Variants in KCNAB1 observed in about 807,000 individuals in gnomAD.
KCNAB1 encodes the protein potassium voltage-gated channel subfamily A regulatory beta subunit 1, also known as voltage-gated potassium channel subunit beta-1.
KCNAB1 carries 35 observed loss-of-function variants against 64.6 expected under a neutral mutation model. The observed-to-expected ratio is 0.54, with a 90% CI of 0.41 to 0.72. The LOEUF (loss-of-function observed/expected upper bound fraction) is 0.72, where lower values mean the gene tolerates loss of function less well. KCNAB1 is among the 30% of genes least tolerant of loss of function. The pLI, the probability that KCNAB1 is intolerant of heterozygous loss-of-function variation, is 0.00. For synonymous variants in KCNAB1, 177 were observed against 183.8 expected (o/e 0.96, Z 0.30); for missense variants, 401 against 512.9 (o/e 0.78, Z 2.11).
intron 1 of KCNAB1, among the ~76,000 whole-genome samples, chr3:156,195,836 G>T (rs1346957261): frequency 1.3e-5 from 2 of 152,074 alleles, no homozygotes; most frequent in Non-Finnish European, 2.9e-5. Context: ...CACTGCTTTT[G>T]GTGTTTTAGT....
At chr3:156,377,691 A>C (rs1711793067) in intron 1 of KCNAB1, among the ~76,000 whole-genome samples, 1 of 152,180 alleles carries the variant, frequency 6.6e-6, no homozygotes, top group Non-Finnish European at 1.5e-5. Flanking sequence ...GGTCCCATGC[A>C]GGAGGTAAAT....
intron 11 of KCNAB1, among the ~76,000 whole-genome samples, chr3:156,518,900 GA>G (rs141374325): frequency 0.015 from 2,243 of 152,236 alleles, 57 homozygotes; most frequent in African/African-American, 0.051. Flanking sequence ...ATGCCTAATG[GA>G]ATCTATCCTC....
At chr3:156,411,699 G>A (rs1016667722) in intron 1 of KCNAB1, among the ~76,000 whole-genome samples, 12 of 152,096 alleles carry the variant, frequency 7.9e-5, no homozygotes, top group Admixed American at 6.5e-4. Context: ...TGACCTGTCT[G>A]TTCTGTTCCA....
intron 2 of KCNAB1, among the ~76,000 whole-genome samples, chr3:156,451,288 A>G (rs1328182112): frequency 6.6e-6 from 1 of 152,272 alleles, no homozygotes; most frequent in Non-Finnish European, 1.5e-5. Context: ...GTAGAGTATA[A>G]AAGTAAAACA....
At chr3:156,219,079 CA>C (rs1337633747) in intron 1 of KCNAB1, among the ~76,000 whole-genome samples, 2 of 151,692 alleles carry the variant, frequency 1.3e-5, no homozygotes, top group African/African-American at 4.8e-5. Context: ...CATACCAGCT[CA>C]CCAGCAATGG....
At chr3:156,257,190 G>A (rs561838603) in intron 1 of KCNAB1, among the ~76,000 whole-genome samples, 31 of 152,132 alleles carry the variant, frequency 2.0e-4, no homozygotes, top group Non-Finnish European at 3.7e-4. Context: ...TGTCATATCA[G>A]ACACACCTGG....
At chr3:156,389,660 G>T (rs1393207185) in intron 1 of KCNAB1, among the ~76,000 whole-genome samples, 1 of 152,226 alleles carries the variant, frequency 6.6e-6, no homozygotes, top group East Asian at 1.9e-4. Context: ...TGTTTAACAG[G>T]CCTGCCAGGT....
chr3:156,223,289 A>G (rs556349683), intron 1 of KCNAB1, among the ~76,000 whole-genome samples: 1 of 152,204 alleles, frequency 6.6e-6, no homozygotes, highest in South Asian at 2.1e-4. Context: ...AAGCTTCCAC[A>G]GTGTGGAAGG....
At chr3:156,431,287 C>T (rs1024858626) in intron 2 of KCNAB1, among the ~76,000 whole-genome samples, 1 of 152,228 alleles carries the variant, frequency 6.6e-6, no homozygotes, top group African/African-American at 2.4e-5. Flanking sequence ...GTGCATTCTA[C>T]ATTTATATAA....
At chr3:156,284,189 A>C (rs1719931914) in intron 1 of KCNAB1, among the ~76,000 whole-genome samples, 1 of 152,160 alleles carries the variant, frequency 6.6e-6, no homozygotes, top group Admixed American at 6.5e-5. Context: ...TCTAACAGAC[A>C]GGACCCTCAG....
At chr3:156,501,337 A>G (rs1716387909) in intron 8 of KCNAB1, among the ~76,000 whole-genome samples, 1 of 152,068 alleles carries the variant, frequency 6.6e-6, no homozygotes, top group Non-Finnish European at 1.5e-5. Context: ...ATATGAATAA[A>G]TTTATAAAAC....
rs543066963 is a variant in KCNAB1 at position 156,444,175 on chromosome 3, T to C, written c.320-8724T>C. 5.8e-4 allele frequency among the ~76,000 whole-genome samples: 88 copies of C among 152,302 alleles called. 1 individual carries two copies. The East Asian group carries it at 0.016, about 28-fold the overall frequency. On this transcript the variant is annotated intron_variant, in intron 2 of 13. Transcript: ENST00000490337. Reference sequence around the variant, plus strand: ...AAGGAAGAATGCTTTGTGTGCGTCATTTGAAAAAGAACACGTCCAAGCACC... The same window carrying C: ...AAGGAAGAATGCTTTGTGTGCGTCACTTGAAAAAGAACACGTCCAAGCACC...
At chr3:156,498,868 T>C (rs1350933398) in intron 8 of KCNAB1, among the ~76,000 whole-genome samples, 2 of 152,186 alleles carry the variant, frequency 1.3e-5, no homozygotes, top group African/African-American at 4.8e-5. Flanking sequence ...AGCATTTCTT[T>C]GAAGAATTGT....
chr3:156,184,629 G>T (rs1713077126), intron 1 of KCNAB1, among the ~76,000 whole-genome samples: 3 of 152,186 alleles, frequency 2.0e-5, no homozygotes, highest in Admixed American at 1.3e-4. Context: ...GAACAAAGTT[G>T]GCTGGATTTT....
At chr3:156,129,075 A>C (rs901427233) in intron 1 of KCNAB1, among the ~76,000 whole-genome samples, 16 of 152,156 alleles carry the variant, frequency 1.1e-4, no homozygotes, top group Non-Finnish European at 1.8e-4. Context: ...TTCATACAAC[A>C]ACCTCATAGT....
chr3:156,272,657 G>C (rs1719105214), intron 1 of KCNAB1, among the ~76,000 whole-genome samples: 1 of 151,958 alleles, frequency 6.6e-6, no homozygotes, highest in African/African-American at 2.4e-5. Flanking sequence ...CAGGAGCCAA[G>C]GCCTGGAATT....
chr3:156,338,162 A>G (rs1383115797), intron 1 of KCNAB1, among the ~76,000 whole-genome samples: 2 of 152,170 alleles, frequency 1.3e-5, no homozygotes, highest in Non-Finnish European at 2.9e-5. Context: ...ATCAAGTTCC[A>G]AGGTCACATC....
At chr3:156,364,577 G>A (rs1004926068) in intron 1 of KCNAB1, among the ~76,000 whole-genome samples, 2 of 152,214 alleles carry the variant, frequency 1.3e-5, no homozygotes, top group African/African-American at 2.4e-5. Context: ...TCGGGAGTTC[G>A]AGACCACCCT....
intron 1 of KCNAB1, among the ~76,000 whole-genome samples, chr3:156,237,036 T>G (rs1311587918): frequency 3.3e-5 from 5 of 152,210 alleles, no homozygotes; most frequent in African/African-American, 1.2e-4. Flanking sequence ...AGACTGGGGC[T>G]AGGCTCTTTG....
Sources: gnomAD v4.1 joint callset for allele counts (sites outside exome capture counted in the v4.1 genomes callset) on GRCh38, gnomAD v4.1.1 for gene constraint, MANE v1.5 for transcripts, NCBI Gene and HGNC (gene_info 2026-07-23, HGNC 2026-07-21) for gene names.